Variants in RIMS2 observed in about 807,000 individuals in gnomAD.
RIMS2 encodes the protein regulating synaptic membrane exocytosis 2.
In RIMS2, 59 loss-of-function variants were observed where a neutral mutation model predicts 174.4. The ratio of observed to expected loss-of-function variants is 0.34; its 90% CI spans 0.27 to 0.42. The LOEUF (loss-of-function observed/expected upper bound fraction) is 0.42. Ranked by LOEUF, RIMS2 falls within the 10% of genes least tolerant of loss-of-function variation. The probability of loss-of-function intolerance (pLI) is 1.00; values close to 1 mark genes in which losing one functional copy is unlikely to be tolerated. For synonymous variants in RIMS2, 606 were observed against 572.5 expected (o/e 1.06, Z -0.84); for missense variants, 1,620 against 1,666.3 (o/e 0.97, Z 0.48).
chr8:104,028,807 C>T (rs1049121858), intron 19 of RIMS2, among the ~76,000 whole-genome samples: 1 of 152,146 alleles, frequency 6.6e-6, no homozygotes, highest in South Asian at 2.1e-4. Context: ...TGGAAGGGAG[C>T]CCTGATCCAG....
chr8:103,664,132 G>T (rs1388620082), intron 1 of RIMS2, among the ~76,000 whole-genome samples: 1 of 152,194 alleles, frequency 6.6e-6, no homozygotes, highest in Admixed American at 6.5e-5. Flanking sequence ...ATTAATTCAA[G>T]ATGGATTAAA....
intron 19 of RIMS2, among the ~76,000 whole-genome samples, chr8:104,159,497 G>A (rs1333985701): frequency 6.6e-6 from 1 of 152,050 alleles, no homozygotes; most frequent in African/African-American, 2.4e-5. Flanking sequence ...AGGCCATACT[G>A]GTTTTCATAG....
chr8:103,593,441 A>T (rs1220174842), intron 1 of RIMS2, among the ~76,000 whole-genome samples: 1 of 151,550 alleles, frequency 6.6e-6, no homozygotes, highest in African/African-American at 2.4e-5. Context: ...TGGTTTTTGC[A>T]TACAGTTAAC....
chr8:103,908,584 A>T (rs186462937), intron 4 of RIMS2, among the ~76,000 whole-genome samples: 2 of 152,018 alleles, frequency 1.3e-5, no homozygotes, highest in African/African-American at 2.4e-5. Context: ...CATCTCATAA[A>T]TTTTTTCTTC....
At chr8:103,820,779 CAA>C in intron 3 of RIMS2, among the ~76,000 whole-genome samples, 1 of 151,610 alleles carries the variant, frequency 6.6e-6, no homozygotes, top group East Asian at 1.9e-4. Flanking sequence ...TATCTTGAGA[CAA>C]ATTAAAAACA....
intron 1 of RIMS2, among the ~76,000 whole-genome samples, chr8:103,616,902 G>A (rs2095517669): frequency 2.0e-5 from 3 of 152,108 alleles, no homozygotes; most frequent in Admixed American, 1.3e-4. Context: ...AACATCCCAT[G>A]TTCATGGATA....
chr8:103,888,235 G>A (rs1370787039), intron 4 of RIMS2, among the ~76,000 whole-genome samples: 1 of 151,432 alleles, frequency 6.6e-6, no homozygotes, highest in Admixed American at 6.6e-5. Flanking sequence ...TAGGGTTGGG[G>A]AAATGCATAT....
At chr8:103,936,253 A>G (rs1458871363) in intron 12 of RIMS2, among the ~76,000 whole-genome samples, 1 of 152,138 alleles carries the variant, frequency 6.6e-6, no homozygotes, top group Non-Finnish European at 1.5e-5. Context: ...TTATAGAGTT[A>G]AGATTCTCAA....
At chr8:103,671,448 T>C (rs552113669) in intron 1 of RIMS2, among the ~76,000 whole-genome samples, 1 of 152,352 alleles carries the variant, frequency 6.6e-6, no homozygotes, top group East Asian at 1.9e-4. Flanking sequence ...TTAGCAGTTT[T>C]ATAAATCAGT....
intron 2 of RIMS2, among the ~76,000 whole-genome samples, chr8:103,764,794 G>A (rs2098150445): frequency 6.6e-6 from 1 of 151,798 alleles, no homozygotes; most frequent in Non-Finnish European, 1.5e-5. Flanking sequence ...CCTAAACTTA[G>A]CAAACATTTA....
At chr8:103,949,820 A>G (rs1200264822) in intron 14 of RIMS2, among the ~76,000 whole-genome samples, 1 of 152,174 alleles carries the variant, frequency 6.6e-6, no homozygotes, top group Non-Finnish European at 1.5e-5. Context: ...ACAGAAAGTC[A>G]ATTGAGAAAG....
At chr8:104,223,804 C>G (rs2099168532) in intron 19 of RIMS2, 8 of 1,592,840 alleles carry the variant, frequency 5.0e-6, no homozygotes, top group Non-Finnish European at 6.8e-6. Flanking sequence ...GTGAGACACC[C>G]CTTCCCCCGT....
rs138269998 is a variant in RIMS2 at position 103,908,711 on chromosome 8, T to G, written c.1625-1423T>G. 4.6e-3 allele frequency among the ~76,000 whole-genome samples: 708 copies of G among 152,302 alleles called. 8 individuals carry two copies. Among genetic ancestry groups the G allele is most frequent in the African/African-American group, 0.016 (685 of 41,574 alleles). On this transcript the variant is annotated intron_variant, in intron 4 of 23. Transcript: ENST00000504942. ...ATCCCTCTTTTCTTACCATGTCTAT[T>G]GCTATTATCTTTATTCAAGCCATAA...
At chr8:103,794,665 A>T (rs1461330701) in intron 3 of RIMS2, among the ~76,000 whole-genome samples, 2 of 152,204 alleles carry the variant, frequency 1.3e-5, no homozygotes, top group Non-Finnish European at 2.9e-5. Flanking sequence ...AATGGGAGAA[A>T]ATTTTTATAA....
At chr8:104,216,869 T>C (rs976833235) in intron 19 of RIMS2, among the ~76,000 whole-genome samples, 2 of 152,336 alleles carry the variant, frequency 1.3e-5, no homozygotes, top group Admixed American at 6.5e-5. Flanking sequence ...GAAATATTTA[T>C]TGAAGGAATA....
chr8:104,209,338 C>CT (rs1464912633), intron 19 of RIMS2, among the ~76,000 whole-genome samples: 4 of 152,168 alleles, frequency 2.6e-5, no homozygotes, highest in Non-Finnish European at 5.9e-5. Flanking sequence ...CTTTTAATCT[C>CT]TAAGACCTGT....
At chr8:103,660,564 G>A (rs560885122) in intron 1 of RIMS2, among the ~76,000 whole-genome samples, 3 of 152,086 alleles carry the variant, frequency 2.0e-5, no homozygotes, top group East Asian at 1.9e-4. Flanking sequence ...ACTAGGGCCC[G>A]GAATAAACAT....
chr8:103,935,437 A>T (rs2081027975), intron 12 of RIMS2, among the ~76,000 whole-genome samples: 1 of 152,182 alleles, frequency 6.6e-6, no homozygotes, highest in Non-Finnish European at 1.5e-5. Context: ...TCATTCAAGT[A>T]AAATCTATAT....
rs534832052 is a variant in RIMS2, at chr8:103,614,309, A to G, written c.177-82777A>G. Among the ~76,000 whole-genome samples the G allele has an allele frequency of 2.3e-3, 354 of 152,354 alleles. 2 individuals carry two copies. Among genetic ancestry groups the G allele is most frequent in the Admixed American group, 4.4e-3 (67 of 15,304 alleles). On this transcript the variant is annotated intron_variant, in intron 1 of 23. Coordinates refer to ENST00000504942, the Ensembl canonical transcript of RIMS2. Reference sequence around the variant, plus strand: ...GCCCAGCACAGCTTTGCTCTCCACTATGATGGGGCAATACTGAGATCTGTG... The same window carrying G: ...GCCCAGCACAGCTTTGCTCTCCACTGTGATGGGGCAATACTGAGATCTGTG...
Sources: gnomAD v4.1 joint callset for allele counts (sites outside exome capture counted in the v4.1 genomes callset) on GRCh38, gnomAD v4.1.1 for gene constraint, MANE v1.5 for transcripts, NCBI Gene and HGNC (gene_info 2026-07-23, HGNC 2026-07-21) for gene names.